MTA3: variants seen among roughly 807,000 people sequenced by gnomAD.
MTA3 encodes the protein metastasis associated 1 family member 3, also known as metastasis-associated protein MTA3.
Under a neutral mutation model 83.5 loss-of-function variants are expected in MTA3, and 34 were observed. The ratio of observed to expected loss-of-function variants is 0.41; its 90% CI spans 0.31 to 0.54. The LOEUF (loss-of-function observed/expected upper bound fraction) is 0.54. MTA3 is among the 20% of genes least tolerant of loss of function. The pLI, the probability that MTA3 is intolerant of heterozygous loss-of-function variation, is 0.33. For synonymous variants in MTA3, 303 were observed against 252.7 expected, an observed-to-expected ratio of 1.20 and a Z score of -1.89; for missense variants, 761 against 726.4, an observed-to-expected ratio of 1.05 and a Z score of -0.55.
chr2:42,500,856 G>C (rs1376977932), intron 2 of MTA3, among the ~76,000 whole-genome samples: 1 of 150,224 alleles, frequency 6.7e-6, no homozygotes, highest in Non-Finnish European at 1.5e-5. Flanking sequence ...TCTCGCCCAG[G>C]CTGGAGTGTG....
chr2:42,521,007 A>G (rs1675404523), intron 2 of MTA3, among the ~76,000 whole-genome samples: 1 of 152,032 alleles, frequency 6.6e-6, no homozygotes, highest in Non-Finnish European at 1.5e-5. Context: ...TTGGCATCAC[A>G]TCTCTGGGGC....
intron 3 of MTA3, among the ~76,000 whole-genome samples, chr2:42,598,588 G>A (rs1338077581): frequency 6.6e-6 from 1 of 151,992 alleles, no homozygotes; most frequent in East Asian, 1.9e-4. Context: ...TGCTTCTTTT[G>A]TATGTTTTAT....
intron 4 of MTA3, among the ~76,000 whole-genome samples, chr2:42,635,098 T>G (rs1199842782): frequency 6.6e-6 from 1 of 152,240 alleles, no homozygotes; most frequent in Non-Finnish European, 1.5e-5. Flanking sequence ...AGACATAGAA[T>G]TTTGGTTTGG....
At chr2:42,746,780 G>C (rs568039925) in intron 16 of MTA3, among the ~76,000 whole-genome samples, 2 of 152,382 alleles carry the variant, frequency 1.3e-5, no homozygotes, top group Admixed American at 6.5e-5. Context: ...GAAGGGGTAT[G>C]CACCTTCCAT....
At chr2:42,522,258 G>A (rs971640580) in intron 2 of MTA3, among the ~76,000 whole-genome samples, 5 of 152,118 alleles carry the variant, frequency 3.3e-5, no homozygotes, top group African/African-American at 1.2e-4. Context: ...GATCCTCAGG[G>A]GTTACTTGCT....
intron 4 of MTA3, among the ~76,000 whole-genome samples, chr2:42,630,900 T>C (rs995165448): frequency 6.6e-6 from 1 of 152,206 alleles, no homozygotes; most frequent in Non-Finnish European, 1.5e-5. Flanking sequence ...TTTTGCTACT[T>C]TCAGAGAAAA....
intron 4 of MTA3, among the ~76,000 whole-genome samples, chr2:42,639,044 TA>T (rs1220922685): frequency 6.6e-5 from 10 of 151,518 alleles, no homozygotes; most frequent in African/African-American, 1.9e-4. Context: ...CAAGCTTTTC[TA>T]GCTTGCTTTC....
rs760690484 is a variant in MTA3, at chr2:42,644,136, T to C, written c.391T>C (p.Phe131Leu). ...LSYLDKEDTF[F>L]YSLVYDPSLK... Reference sequence around the variant, plus strand: ...TTGTCATATTTTTCAGGATACCTTCTTCTACTCATTGGTCTATGACCCCTC... The same window carrying C: ...TTGTCATATTTTTCAGGATACCTTCCTCTACTCATTGGTCTATGACCCCTC... Residue 131 changes from phenylalanine (F) to leucine (L), a missense_variant, in exon 6 of 17, where the codon TTC (phenylalanine) becomes CTC (leucine). Transcript: ENST00000405094. 1 of 1,598,072 alleles carries C rather than the reference T, an allele frequency of 6.3e-7. No individual in the cohort carries two copies.
chr2:42,712,213 G>A (rs543224745), intron 14 of MTA3, among the ~76,000 whole-genome samples: 2 of 152,168 alleles, frequency 1.3e-5, no homozygotes, highest in Non-Finnish European at 2.9e-5. Context: ...CAAAGAATAT[G>A]TAAAGAGTAA....
intron 4 of MTA3, among the ~76,000 whole-genome samples, chr2:42,630,886 C>G (rs898151116): frequency 6.6e-6 from 1 of 151,984 alleles, no homozygotes; most frequent in African/African-American, 2.4e-5. Context: ...TCTATTGAGA[C>G]CTTTTTTGCT....
In MTA3 at chr2:42,501,191, GC is replaced by G. The variant is rs376497887; in HGVS notation, c.-141+5938del. On this transcript the variant is annotated intron_variant, in intron 2 of 17. Transcript: ENST00000405592. Reference sequence around the variant, plus strand: ...AAAGGAGTTTAGGCTTTTAGGGGTGGCAAACTATGGGAAAGTAAACATGTCA... The same window carrying G: ...AAAGGAGTTTAGGCTTTTAGGGGTGGAAACTATGGGAAAGTAAACATGTCA... Among the ~76,000 whole-genome samples, 102 of 152,242 alleles carry G rather than the reference GC, an allele frequency of 6.7e-4. 1 individual carries two copies. The East Asian group carries it at 0.017, about 25-fold the overall frequency.
chr2:42,624,665 C>T (rs1432485444), intron 4 of MTA3, among the ~76,000 whole-genome samples: 2 of 152,116 alleles, frequency 1.3e-5, no homozygotes, highest in Non-Finnish European at 2.9e-5. Flanking sequence ...TATAGCAGAG[C>T]TTCTCAACTT....
intron 2 of MTA3, among the ~76,000 whole-genome samples, chr2:42,547,886 A>T (rs1676830977): frequency 6.6e-6 from 1 of 151,850 alleles, no homozygotes; most frequent in South Asian, 2.1e-4. Flanking sequence ...TTACAGGTGC[A>T]TACTCCTAAA....
At chr2:42,683,383 T>C (rs1692099081) in intron 9 of MTA3, among the ~76,000 whole-genome samples, 1 of 152,328 alleles carries the variant, frequency 6.6e-6, no homozygotes, top group East Asian at 1.9e-4. Context: ...TCTTTGATTC[T>C]TCTTAATGAT....
At chr2:42,625,128 T>G (rs1685946239) in intron 4 of MTA3, among the ~76,000 whole-genome samples, 1 of 152,022 alleles carries the variant, frequency 6.6e-6, no homozygotes, top group African/African-American at 2.4e-5. Flanking sequence ...GCTTCCTAGA[T>G]TCAAGCGATT....
At chr2:42,699,012 C>T (rs370988712) in intron 11 of MTA3, among the ~76,000 whole-genome samples, 1 of 152,320 alleles carries the variant, frequency 6.6e-6, no homozygotes, top group East Asian at 1.9e-4. Flanking sequence ...TACCAGCTTT[C>T]TTATACTTCA....
At chr2:42,586,511 CACAA>C (rs1210362751) in intron 3 of MTA3, among the ~76,000 whole-genome samples, 22 of 144,128 alleles carry the variant, frequency 1.5e-4, no homozygotes, top group Non-Finnish European at 2.9e-4. Flanking sequence ...CACACACACA[CACAA>C]ACACACAAAG....
intron 10 of MTA3, among the ~76,000 whole-genome samples, chr2:42,696,093 A>G (rs1003525546): frequency 6.6e-6 from 1 of 152,146 alleles, no homozygotes; most frequent in Non-Finnish European, 1.5e-5. Flanking sequence ...CTTGCATTTG[A>G]CTGATCCTTC....
At chr2:42,710,515 C>T (rs1037021150) in intron 14 of MTA3, among the ~76,000 whole-genome samples, 7 of 137,356 alleles carry the variant, frequency 5.1e-5, no homozygotes, top group South Asian at 2.3e-4. Context: ...TGCGCCATTG[C>T]GCTCCAGCCT....
Sources: allele counts gnomAD v4.1 joint callset (sites outside exome capture counted in the v4.1 genomes callset), GRCh38; gene constraint gnomAD v4.1.1; transcripts MANE v1.5; gene names NCBI Gene and HGNC (gene_info 2026-07-23, HGNC 2026-07-21).